The following FAM13A variants were observed in gnomAD, a reference collection of about 807,000 sequenced individuals.
The protein encoded by FAM13A is protein FAM13A.
A neutral mutation model predicts 129.6 loss-of-function variants in FAM13A; 76 were observed. The ratio of observed to expected loss-of-function variants is 0.59; its 90% CI spans 0.49 to 0.71. FAM13A has a LOEUF of 0.71. Among genes scored for constraint, FAM13A ranks in the 30% least tolerant of loss-of-function variants. The pLI is 0.00. For missense variants in FAM13A, 1,108 were observed against 1,249.3 expected, an observed-to-expected ratio of 0.89 and a Z score of 1.70; for synonymous variants, 443 against 449.9, an observed-to-expected ratio of 0.98 and a Z score of 0.20.
rs1294750719 is a variant in FAM13A, at chr4:88,805,064, A to T, written c.1008-12T>A. The T allele has an allele frequency of 2.9e-6, 4 of 1,401,456 alleles. No homozygotes were observed. Among genetic ancestry groups the T allele is most frequent in the Non-Finnish European group, 4.0e-6 (4 of 997,258 alleles). The allele number at this position is 1,401,456 out of a possible 1,614,324, so 86.8% of individuals were successfully genotyped here. On this transcript the variant is annotated splice_polypyrimidine_tract_variant and intron_variant, in intron 7 of 23. Coordinates refer to ENST00000264344, the MANE Select transcript of FAM13A (RefSeq NM_014883.4). ...CATCTTCCTGTGAACTAAAAGGAAA[A>T]TAAATTTTGAATTAATATAATGTCT...
chr4:88,947,376 T>C (rs1313741350), intron 4 of FAM13A, among the ~76,000 whole-genome samples: 1 of 152,106 alleles, frequency 6.6e-6, no homozygotes, highest in Non-Finnish European at 1.5e-5. Flanking sequence ...GCCACTGCAT[T>C]CTAACTTGGG....
intron 21 of FAM13A, among the ~76,000 whole-genome samples, chr4:88,733,436 A>G (rs138272128): frequency 0.011 from 1,614 of 152,360 alleles, 27 homozygotes; most frequent in African/African-American, 0.036. Context: ...AAAGTTTACA[A>G]AGTAAAATTG....
At position 88,814,434 on chromosome 4, in the gene FAM13A, G is replaced by T. The variant is rs534579728; in HGVS notation, c.1008-9382C>A. ...GAGAATGTGCTTGGAAAGCATGGGA[G>T]AATTAATAACTCGGCAGGTGTGGCA... On this transcript the variant is annotated intron_variant, in intron 7 of 23. Coordinates refer to ENST00000264344, the MANE Select transcript of FAM13A (RefSeq NM_014883.4). 3.3e-5 allele frequency among the ~76,000 whole-genome samples: 5 copies of T among 152,270 alleles called. No homozygotes were observed. The South Asian group carries it at 1.0e-3, about 32-fold the overall frequency.
At chr4:88,746,138 C>T (rs568481061) in intron 19 of FAM13A, among the ~76,000 whole-genome samples, 1 of 152,124 alleles carries the variant, frequency 6.6e-6, no homozygotes, top group South Asian at 2.1e-4. Context: ...TACTTTTTGG[C>T]TATATAAAAA....
intron 4 of FAM13A, among the ~76,000 whole-genome samples, chr4:88,953,430 G>A (rs1757261639): frequency 1.3e-5 from 2 of 152,198 alleles, no homozygotes; most frequent in African/African-American, 4.8e-5. Flanking sequence ...ACTCCAGCCT[G>A]TGTGACAGAG....
chr4:88,795,811 T>C (rs1726052469), intron 8 of FAM13A, among the ~76,000 whole-genome samples: 1 of 151,848 alleles, frequency 6.6e-6, no homozygotes, highest in Admixed American at 6.6e-5. Flanking sequence ...TGCAGAAAAT[T>C]TTTATTTCAT....
intron 5 of FAM13A, among the ~76,000 whole-genome samples, chr4:88,920,866 G>A (rs927612735): frequency 5.3e-5 from 8 of 152,220 alleles, no homozygotes; most frequent in African/African-American, 1.9e-4. Context: ...AGGAGCTGAT[G>A]GAGCTGAAAG....
intron 9 of FAM13A, among the ~76,000 whole-genome samples, chr4:88,788,575 T>C (rs2149663731): frequency 6.6e-6 from 1 of 152,300 alleles, no homozygotes; most frequent in South Asian, 2.1e-4. Flanking sequence ...ATTGGAAGGA[T>C]AGATTTACTT....
chr4:88,990,953 G>A lies in FAM13A; in HGVS notation c.605+20C>T. The A allele has an allele frequency of 6.3e-7, 1 of 1,596,232 alleles. No homozygotes were observed. Among genetic ancestry groups the A allele is most frequent in the Non-Finnish European group, 8.6e-7 (1 of 1,163,980 alleles). ...AAAGGGGGACATGATGATATTAACA[G>A]TAAAACTCCACTAACTTACTGAAAG... On this transcript the variant is annotated intron_variant, in intron 4 of 23. Coordinates refer to ENST00000264344, the MANE Select transcript of FAM13A (RefSeq NM_014883.4).
intron 5 of FAM13A, among the ~76,000 whole-genome samples, chr4:88,924,912 T>C (rs1295281749): frequency 2.3e-3 from 349 of 151,656 alleles, no homozygotes; most frequent in Middle Eastern, 0.01. Flanking sequence ...ACAGACACTT[T>C]TCAAAAGAAG....
rs911057824 is a variant in FAM13A, at chr4:88,757,050, T to TA, written c.1726+1703dup. Among the ~76,000 whole-genome samples the TA allele has an allele frequency of 1.7e-3, 256 of 151,016 alleles. 1 individual carries two copies. The highest frequency in any genetic ancestry group is 5.3e-3 in the African/African-American group (219 of 41,266). On this transcript the variant is annotated intron_variant, in intron 14 of 23. Coordinates refer to ENST00000264344, the MANE Select transcript of FAM13A (RefSeq NM_014883.4). ...AACATATTTTTTTCCAATAACTTTT[T>TA]AAAAAAAAAATCCATCTAGATTTCT...
At chr4:89,024,589 T>C (rs1344111625) in intron 2 of FAM13A, among the ~76,000 whole-genome samples, 1 of 152,206 alleles carries the variant, frequency 6.6e-6, no homozygotes, top group Non-Finnish European at 1.5e-5. Context: ...GTCACCCCTA[T>C]AGTCCCATTT....
At chr4:88,981,403 A>G (rs1761652526) in intron 4 of FAM13A, among the ~76,000 whole-genome samples, 1 of 152,190 alleles carries the variant, frequency 6.6e-6, no homozygotes, top group South Asian at 2.1e-4. Context: ...CACTCTAAAC[A>G]ACGGCAAATA....
In FAM13A at chr4:88,726,216, G is replaced by A. The variant is rs1026573640; in HGVS notation, c.*2317C>T. ...CAGAGCCAGAAACCACTGACTGACT[G>A]ACTAACAAACATTTCTTCAAATAAG... On this transcript the variant is annotated 3_prime_UTR_variant, in exon 24 of 24. Transcript: ENST00000264344. 6.6e-6 allele frequency: 1 copy of A among 152,122 alleles called. No homozygotes were observed. The highest frequency in any genetic ancestry group is 2.4e-5 in the African/African-American group (1 of 41,416). 9.4% of individuals were successfully genotyped at this position (152,122 alleles called of 1,614,324 possible). A position where few individuals can be genotyped will look rare whatever the true frequency, so the allele number is the denominator to read the frequency against.
At chr4:88,994,391 C>T (rs1004065563) in intron 3 of FAM13A, among the ~76,000 whole-genome samples, 1 of 152,190 alleles carries the variant, frequency 6.6e-6, no homozygotes, top group Non-Finnish European at 1.5e-5. Flanking sequence ...CCTGCTGCAA[C>T]CCTACAAATA....
chr4:88,908,434 A>T (rs1485629335), intron 5 of FAM13A, among the ~76,000 whole-genome samples: 1 of 152,238 alleles, frequency 6.6e-6, no homozygotes, highest in East Asian at 1.9e-4. Context: ...AAGGGAAATT[A>T]GTAGAAATGT....
At chr4:88,984,219 T>C (rs1035197091) in intron 4 of FAM13A, among the ~76,000 whole-genome samples, 2 of 152,152 alleles carry the variant, frequency 1.3e-5, no homozygotes, top group Admixed American at 1.3e-4. Context: ...TAAATCTTCA[T>C]GATCTTGGTT....
intron 13 of FAM13A, among the ~76,000 whole-genome samples, chr4:88,765,248 G>A (rs1745518636): frequency 6.6e-6 from 1 of 152,170 alleles, no homozygotes; most frequent in African/African-American, 2.4e-5. Context: ...TGTTTGCTAT[G>A]TTATCTTATG....
intron 7 of FAM13A, among the ~76,000 whole-genome samples, chr4:88,830,171 T>C (rs908042798): frequency 6.6e-6 from 1 of 152,188 alleles, no homozygotes; most frequent in East Asian, 1.9e-4. Flanking sequence ...GGTGGGGTGT[T>C]AGAGGAAAGA....
Sources: gnomAD v4.1 joint callset for allele counts (sites outside exome capture counted in the v4.1 genomes callset) on GRCh38, gnomAD v4.1.1 for gene constraint, MANE v1.5 for transcripts, NCBI Gene and HGNC (gene_info 2026-07-23, HGNC 2026-07-21) for gene names.